PFKFB1: variants seen among roughly 807,000 people sequenced by gnomAD.
PFKFB1 encodes 6-phosphofructo-2-kinase/fructose-2,6-bisphosphatase 1.
PFKFB1 carries 34 observed loss-of-function variants against 46.4 expected under a neutral mutation model. That is an observed-to-expected ratio of 0.73 (90% CI 0.56 to 0.98). PFKFB1 has a LOEUF of 0.98. Ranked by LOEUF, PFKFB1 falls within the 50% of genes least tolerant of loss-of-function variation. The pLI, the probability that PFKFB1 is intolerant of heterozygous loss-of-function variation, is 0.00. For missense variants in PFKFB1, 393 were observed against 376.3 expected (o/e 1.04, Z -0.37); for synonymous variants, 119 against 133.8 (o/e 0.89, Z 0.76).
upstream of PFKFB1, among the ~76,000 whole-genome samples, chrX:54,996,954 C>G (rs1935365973): frequency 9.0e-6 from 1 of 111,304 alleles, no homozygotes; most frequent in Non-Finnish European, 1.9e-5. Context: ...CCTATCTGAG[C>G]AAGTATCCAC....
In PFKFB1 at chrX:54,938,193, G is replaced by C. The variant is rs1054162052; in HGVS notation, c.1099-469C>G. On this transcript the variant is annotated intron_variant, in intron 10 of 13. Coordinates refer to ENST00000375006, the MANE Select transcript of PFKFB1 (RefSeq NM_002625.4). Reference sequence around the variant, plus strand: ...GTACGGAAGTAGAAGACAAGGCCTTGGGTGTGCACAAGGTGGGGAGTTAAG... The same window carrying C: ...GTACGGAAGTAGAAGACAAGGCCTTCGGTGTGCACAAGGTGGGGAGTTAAG... Among the ~76,000 whole-genome samples the C allele has an allele frequency of 2.7e-5, 3 of 111,901 alleles. No homozygotes were observed. The Admixed American group carries it at 2.8e-4, about 11-fold the overall frequency.
At position 54,960,936 on chromosome X, in the gene PFKFB1, A is replaced by T. The variant is rs41306890; in HGVS notation, c.224-19T>A. The T allele has an allele frequency of 1.8e-6, 2 of 1,094,377 alleles. No homozygotes were observed. Among genetic ancestry groups the T allele is most frequent in the Non-Finnish European group, 2.5e-6 (2 of 796,294 alleles). The allele number at this position is 1,094,377 out of a possible 1,213,427, so 90.2% of individuals were successfully genotyped here. A position where few individuals can be genotyped will look rare whatever the true frequency, so the allele number is the denominator to read the frequency against. On this transcript the variant is annotated intron_variant, in intron 2 of 13. Coordinates refer to ENST00000375006, the MANE Select transcript of PFKFB1 (RefSeq NM_002625.4). ...TTAAACACTGAAAGCAGGGAGTGCC[A>T]GTGAAGAGGTTGGGAAGATCCCAGT...
At chrX:54,989,668 T>C (rs1252099650) in intron 1 of PFKFB1, among the ~76,000 whole-genome samples, 1 of 112,212 alleles carries the variant, frequency 8.9e-6, no homozygotes, top group Admixed American at 9.5e-5. Flanking sequence ...CATAAGTTGG[T>C]CCATAAAGCA....
intron 3 of PFKFB1, among the ~76,000 whole-genome samples, chrX:54,960,502 T>C (rs957093833): frequency 1.8e-5 from 2 of 112,369 alleles, no homozygotes; most frequent in Non-Finnish European, 3.8e-5. Context: ...GAGAAGTTTC[T>C]ACTCTCTCCT....
Position 54,958,360 on chromosome X carries a change from C to A in PFKFB1, c.462G>T (p.Val154=), listed in dbSNP as rs1934217967. Residue 154 remains valine (V), a splice_region_variant and synonymous_variant, in exon 6 of 14, where the codon GTG becomes GTT. Coordinates refer to ENST00000375006, the MANE Select transcript of PFKFB1 (RefSeq NM_002625.4). ...LQFAKEHGYK[V]FFIESICNDP... ...CATTACAAATGGACTCAATGAAAAA[C>A]ACCTATAAAAGAAACAGAAAAGAGA... 3 of 1,150,378 alleles carry A rather than the reference C, an allele frequency of 2.6e-6. No individual in the cohort carries two copies. The highest frequency in any genetic ancestry group is 3.6e-6 in the Non-Finnish European group (3 of 840,885). 94.8% of individuals were successfully genotyped at this position (1,150,378 alleles called of 1,213,427 possible). A position where few individuals can be genotyped will look rare whatever the true frequency, so the allele number is the denominator to read the frequency against.
chrX:54,935,115 C>G, intron 11 of PFKFB1, 106 bp from the exon 12 acceptor site: 2 of 604,621 alleles, frequency 3.3e-6, no homozygotes, highest in Admixed American at 5.3e-5. Flanking sequence ...GTCCCCTTGC[C>G]GTGGTGGGGC....
rs374547963 is a variant in PFKFB1, at chrX:54,945,488, A to T, written c.1049T>A (p.Phe350Tyr). 7 of 1,205,374 alleles carry T rather than the reference A, an allele frequency of 5.8e-6. No individual in the cohort carries two copies. Among genetic ancestry groups the T allele is most frequent in the Non-Finnish European group, 7.9e-6 (7 of 890,462 alleles). Reference protein sequence around the residue: ...EEIQEHYPEEFALRDQDKYRY... With the variant: ...EEIQEHYPEEYALRDQDKYRY... ...ATATTTATCTTGGTCTCGCAGTGCA[A>T]ATTCTTCAGGGTAATGTTCCTGGAT... Residue 350 changes from phenylalanine (F) to tyrosine (Y), a missense_variant, in exon 10 of 14, where the codon TTT becomes TAT. Coordinates refer to ENST00000375006, the MANE Select transcript of PFKFB1 (RefSeq NM_002625.4).
intron 1 of PFKFB1, among the ~76,000 whole-genome samples, chrX:54,987,986 C>T (rs1035921533): frequency 2.7e-5 from 3 of 110,367 alleles, no homozygotes; most frequent in African/African-American, 9.8e-5. Flanking sequence ...GAGGTTATAG[C>T]CAAGGTAATT....
At chrX:54,957,262 G>A (rs776267681) in intron 6 of PFKFB1, among the ~76,000 whole-genome samples, 6 of 111,401 alleles carry the variant, frequency 5.4e-5, no homozygotes, top group African/African-American at 1.6e-4. Flanking sequence ...TGTTCTTCAA[G>A]GTACCATTCA....
intron 1 of PFKFB1, among the ~76,000 whole-genome samples, chrX:54,985,555 T>C (rs1173652609): frequency 2.7e-5 from 3 of 110,731 alleles, no homozygotes; most frequent in African/African-American, 6.6e-5. Flanking sequence ...CAAAGAGTTA[T>C]ATAGAAATAA....
At chrX:54,979,935 A>G (rs1276056820) in intron 1 of PFKFB1, among the ~76,000 whole-genome samples, 1 of 111,734 alleles carries the variant, frequency 8.9e-6, no homozygotes, top group Non-Finnish European at 1.9e-5. Context: ...GAGCTTCCCT[A>G]GGGAGAGACC....
At chrX:54,940,849 T>C (rs1275915560) in intron 10 of PFKFB1, among the ~76,000 whole-genome samples, 3 of 111,617 alleles carry the variant, frequency 2.7e-5, no homozygotes, top group Non-Finnish European at 5.6e-5. Flanking sequence ...GCCATCCCCA[T>C]CAAGCTACCA....
chrX:54,956,511 G>C (rs962809283), intron 6 of PFKFB1, among the ~76,000 whole-genome samples: 2 of 111,828 alleles, frequency 1.8e-5, no homozygotes, highest in Non-Finnish European at 3.8e-5. Flanking sequence ...CTCAGTCCCA[G>C]AGAATACACT....
chrX:54,959,847 G>T lies in PFKFB1; in HGVS notation c.364C>A (p.His122Asn). Residue 122 changes from histidine (H) to asparagine (N), a missense_variant, in exon 4 of 14, where the codon CAT (histidine) becomes AAT (asparagine). His to Asn is a moderately conservative substitution (Grantham distance 68). Transcript: ENST00000375006. ...TTTACCGCAACATGACCTTCCTCAT[G>T]GCTGAGATAGTTGTGAACATCCTTC... ...ALKDVHNYLS[H>N]EEGHVAVFDA... The T allele has an allele frequency of 8.3e-7, 1 of 1,207,249 alleles. No individual in the cohort carries two copies. Among genetic ancestry groups the T allele is most frequent in the Non-Finnish European group, 1.1e-6 (1 of 891,831 alleles).
intron 1 of PFKFB1, among the ~76,000 whole-genome samples, chrX:54,973,264 A>C (rs756129386): frequency 7.7e-4 from 85 of 110,249 alleles, no homozygotes; most frequent in Non-Finnish European, 1.5e-3. Flanking sequence ...GCGGTCTATC[A>C]ATTTTGTTGA....
chrX:54,990,048 C>CACTTAA (rs1190686325), intron 1 of PFKFB1, among the ~76,000 whole-genome samples: 5 of 111,389 alleles, frequency 4.5e-5, no homozygotes, highest in African/African-American at 1.6e-4. Flanking sequence ...CCAATTATCT[C>CACTTAA]ATTGGACACT....
At chrX:54,976,218 GA>G (rs1569547172) in intron 1 of PFKFB1, among the ~76,000 whole-genome samples, 1 of 110,990 alleles carries the variant, frequency 9.0e-6, no homozygotes. Context: ...CAGAATGAAA[GA>G]ATATACTTGT....
At chrX:54,973,251 C>A (rs755450523) in intron 1 of PFKFB1, among the ~76,000 whole-genome samples, 82 of 111,179 alleles carry the variant, frequency 7.4e-4, no homozygotes, top group African/African-American at 2.7e-3. Flanking sequence ...ATTAGTCTTG[C>A]TAGCGGTCTA....
At chrX:54,994,769 A>G, upstream of PFKFB1, 1 of 753,213 alleles carries the variant, frequency 1.3e-6, no homozygotes, top group Non-Finnish European at 1.6e-6. Flanking sequence ...TGCCTGGAGC[A>G]CTCTTGAAGA....
Sources: allele counts gnomAD v4.1 joint callset (sites outside exome capture counted in the v4.1 genomes callset), GRCh38; gene constraint gnomAD v4.1.1; transcripts MANE v1.5; gene names NCBI Gene and HGNC (gene_info 2026-07-23, HGNC 2026-07-21).